The following ZNF282 variants were observed in gnomAD, a reference collection of about 807,000 sequenced individuals.
The protein encoded by ZNF282 is HTLV-I U5 repressive element-binding protein 1.
In ZNF282, 30 loss-of-function variants were observed where a neutral mutation model predicts 61.9. That is an observed-to-expected ratio of 0.48 (90% CI 0.36 to 0.66). The LOEUF (loss-of-function observed/expected upper bound fraction) is 0.66. Ranked by LOEUF, ZNF282 falls within the 30% of genes least tolerant of loss-of-function variation. The pLI, the probability that ZNF282 is intolerant of heterozygous loss-of-function variation, is 0.00. For missense variants in ZNF282, 788 were observed against 941.4 expected (o/e 0.84, Z 2.13); for synonymous variants, 396 against 405.0 (o/e 0.98, Z 0.27).
chr7:149,212,113 G>T (rs1796093055), intron 5 of ZNF282, among the ~76,000 whole-genome samples: 2 of 152,168 alleles, frequency 1.3e-5, no homozygotes. Context: ...AGTTCCTGCA[G>T]CACAGAAAGG....
Position 149,198,381 on chromosome 7 carries a change from C to A in ZNF282, c.214C>A (p.Pro72Thr). ...CCGGCGGCCAATGCCTTTTCAGTTC[C>A]CACCCTTTCCAGATAGGGCACCTGT... ...DARRPMPFQF[P>T]PFPDRAPVFP... Residue 72 changes from proline (P) to threonine (T), a missense_variant, in exon 2 of 8, where the codon CCA (proline) becomes ACA (threonine). Physicochemically the swap from Pro to Thr is conservative, Grantham distance 38 (BLOSUM62 -1). Transcript: ENST00000610704. The surrounding 1 kb of genome is among the most constrained non-coding windows in gnomAD (Gnocchi z 4.3). 6.2e-7 allele frequency: 1 copy of A among 1,614,058 alleles called. No homozygotes were observed. Among genetic ancestry groups the A allele is most frequent in the Non-Finnish European group, 8.5e-7 (1 of 1,179,958 alleles).
Position 149,223,946 on chromosome 7 carries a change from C to A in ZNF282, c.1315C>A (p.Pro439Thr). The A allele has an allele frequency of 7.6e-7, 1 of 1,311,248 alleles. No homozygotes were observed. Among genetic ancestry groups the A allele is most frequent in the Non-Finnish European group, 9.7e-7 (1 of 1,033,078 alleles). 81.2% of individuals were successfully genotyped at this position (1,311,248 alleles called of 1,614,324 possible). The stretch of plus-strand genomic sequence containing the variant: ...GCCCCCCATCGCGGTGGCCGAGAAC[C>A]CGGGCGGCCCCCCGAGCCGAGGGCT... ...SLPPIAVAEN[P>T]GGPPSRGLLD... The change falls in exon 8 of 8, where the codon CCG becomes ACG. Residue 439 changes from proline (P) to threonine (T), a missense_variant. Pro to Thr is a conservative substitution (Grantham distance 38). Coordinates refer to ENST00000610704, the MANE Select transcript of ZNF282 (RefSeq NM_003575.4).
rs1796341654 is a variant in ZNF282 at position 149,224,855 on chromosome 7, G to C, written c.*208G>C. 16 of 965,364 alleles carry C rather than the reference G, an allele frequency of 1.7e-5. No homozygotes were observed. The South Asian group carries it at 3.0e-4, about 18-fold the overall frequency. 59.8% of individuals were successfully genotyped at this position (965,364 alleles called of 1,614,324 possible). A position where few individuals can be genotyped will look rare whatever the true frequency, so the allele number is the denominator to read the frequency against. On this transcript the variant is annotated 3_prime_UTR_variant, in exon 8 of 8. Coordinates refer to ENST00000610704, the MANE Select transcript of ZNF282 (RefSeq NM_003575.4). ...CTCATCTAGGGTGGACCCAGCTGCTGGGGAAGAGCCAGGGGGACCGCGAGG... is the reference window on the plus strand; with the variant it reads ...CTCATCTAGGGTGGACCCAGCTGCTCGGGAAGAGCCAGGGGGACCGCGAGG...
At position 149,224,130 on chromosome 7, in the gene ZNF282, G is replaced by A. The variant is rs1229709857; in HGVS notation, c.1499G>A (p.Cys500Tyr). 6.8e-7 allele frequency: 1 copy of A among 1,475,050 alleles called. No homozygotes were observed. Among genetic ancestry groups the A allele is most frequent in the Non-Finnish European group, 9.0e-7 (1 of 1,117,264 alleles). 91.4% of individuals were successfully genotyped at this position (1,475,050 alleles called of 1,614,324 possible). ...TGAGGGCGSC[C>Y]PGGLRRSLLL... ...GCAGGCGGCGGCTGTGGCAGCTGCTGCCCTGGCGGGCTGCGGCGGAGCCTC... is the reference window on the plus strand; with the variant it reads ...GCAGGCGGCGGCTGTGGCAGCTGCTACCCTGGCGGGCTGCGGCGGAGCCTC... Residue 500 changes from cysteine to tyrosine, a missense_variant, in exon 8 of 8, where the codon TGC becomes TAC. Physicochemically the swap from Cys to Tyr is radical, Grantham distance 194 (BLOSUM62 -2). Around this residue, in one of 3 missense-constraint regions of ZNF282, gnomAD observed 559 missense variants for 642.0 expected, o/e 0.87. Coordinates refer to ENST00000610704, the MANE Select transcript of ZNF282 (RefSeq NM_003575.4).
chr7:149,205,108 C>T (rs1795972356), intron 2 of ZNF282, among the ~76,000 whole-genome samples: 1 of 150,822 alleles, frequency 6.6e-6, no homozygotes, highest in Non-Finnish European at 1.5e-5. Flanking sequence ...AGCCTGGAGA[C>T]AGAGCGAGAC....
At chr7:149,196,056 G>A (rs989935599) in intron 1 of ZNF282, among the ~76,000 whole-genome samples, 1 of 151,960 alleles carries the variant, frequency 6.6e-6, no homozygotes, top group African/African-American at 2.4e-5. Flanking sequence ...ACCTGGCAGA[G>A]CTCTGACCCT....
intron 4 of ZNF282, among the ~76,000 whole-genome samples, chr7:149,209,124 C>G (rs575361475): frequency 6.6e-6 from 1 of 151,712 alleles, no homozygotes; most frequent in Admixed American, 6.6e-5. Flanking sequence ...CGAGAGCATC[C>G]TGGCTAACAC....
chr7:149,205,629 G>A (rs931711215), intron 2 of ZNF282, among the ~76,000 whole-genome samples: 4 of 152,048 alleles, frequency 2.6e-5, no homozygotes, highest in African/African-American at 9.7e-5. Context: ...TCGCACCTGC[G>A]CATGGCATTC....
At chr7:149,196,591 G>A (rs1157533956) in intron 1 of ZNF282, among the ~76,000 whole-genome samples, 1 of 152,134 alleles carries the variant, frequency 6.6e-6, no homozygotes. Flanking sequence ...TGCTCACCAC[G>A]CGGCTCTCAG....
chr7:149,211,063 T>C (rs544980214), intron 5 of ZNF282, among the ~76,000 whole-genome samples: 2 of 152,352 alleles, frequency 1.3e-5, no homozygotes, highest in Non-Finnish European at 2.9e-5. Context: ...AGACCTGTTG[T>C]GCCCTGACCA....
intron 4 of ZNF282, among the ~76,000 whole-genome samples, chr7:149,207,820 C>T (rs112786656): frequency 0.033 from 5,047 of 152,310 alleles, 120 homozygotes; most frequent in Non-Finnish European, 0.052. Context: ...GAGTCTGCGG[C>T]GCATGTGGGG....
rs1408338248 is a variant in ZNF282, at chr7:149,213,757, T to C, written c.1123T>C (p.Tyr375His). ...LSWIKQEEQPYPWGPRDSMDG... is the reference protein window; with the variant it reads ...LSWIKQEEQPHPWGPRDSMDG... ...ATGGATCAAGCAGGAGGAGCAGCCA[T>C]ACCCATGGGGACCACGCGACTCAAT... is the stretch of plus-strand genomic sequence containing the variant. The change falls in exon 7 of 8, where the codon TAC (tyrosine) becomes CAC (histidine). Residue 375 changes from tyrosine to histidine, a missense_variant. Physicochemically the swap from Tyr to His is moderately conservative, Grantham distance 83. Coordinates refer to ENST00000610704, the MANE Select transcript of ZNF282 (RefSeq NM_003575.4). 1.9e-6 allele frequency: 3 copies of C among 1,613,774 alleles called. No individual in the cohort carries two copies. Among genetic ancestry groups the C allele is most frequent in the East Asian group, 4.5e-5 (2 of 44,866 alleles).
Position 149,210,672 on chromosome 7 carries a change from A to T in ZNF282, c.920A>T (p.Glu307Val). ...TGTGTCCGGGGTCAGCGGGGCCTGG[A>T]GGAAAGAGCCATCCCTACGGAATCC... Reference protein sequence around the residue: ...TLCVRGQRGLEERAIPTESIT... With the variant: ...TLCVRGQRGLVERAIPTESIT... Residue 307 changes from glutamate (E) to valine (V), a missense_variant, in exon 5 of 8, where the codon GAG becomes GTG. Glu to Val is a moderately radical substitution (Grantham distance 121). Coordinates refer to ENST00000610704, the MANE Select transcript of ZNF282 (RefSeq NM_003575.4). 1 of 1,608,816 alleles carries T rather than the reference A, an allele frequency of 6.2e-7. No homozygotes were observed. The highest frequency in any genetic ancestry group is 8.5e-7 in the Non-Finnish European group (1 of 1,178,296).
Position 149,224,922 on chromosome 7 carries a change from G to A in ZNF282, c.*275G>A. ...GCACCGCCCTCACACCTCCTCGAGT[G>A]CCCTGGGACCACTGGGCCACAGATG... On this transcript the variant is annotated 3_prime_UTR_variant, in exon 8 of 8. Transcript: ENST00000610704. 2.1e-6 allele frequency: 1 copy of A among 478,138 alleles called. No homozygotes were observed. The highest frequency in any genetic ancestry group is 3.2e-5 in the South Asian group (1 of 31,296). The allele number at this position is 478,138 out of a possible 1,614,324, so 29.6% of individuals were successfully genotyped here. A position where few individuals can be genotyped will look rare whatever the true frequency, so the allele number is the denominator to read the frequency against.
intron 2 of ZNF282, among the ~76,000 whole-genome samples, chr7:149,204,376 A>G (rs1421791565): frequency 2.0e-5 from 3 of 152,158 alleles, no homozygotes; most frequent in African/African-American, 7.2e-5. Context: ...TAGATGGTGA[A>G]GAGGAAAAAA....
chr7:149,198,787 AG>A lies in ZNF282; in HGVS notation c.585+37del. The A allele has an allele frequency of 6.3e-7, 1 of 1,586,848 alleles. No individual in the cohort carries two copies. The highest frequency in any genetic ancestry group is 2.2e-5 in the East Asian group (1 of 44,632). On this transcript the variant is annotated intron_variant, in intron 2 of 7. Coordinates refer to ENST00000610704, the MANE Select transcript of ZNF282 (RefSeq NM_003575.4). The surrounding 1 kb of genome is among the most constrained non-coding windows in gnomAD (Gnocchi z 4.3). ...GGTCCCTGGGGCAGGGATAGAGGTGAGGAACAGCACAGGTGCATAAAATTCT... is the reference window on the plus strand; with the variant it reads ...GGTCCCTGGGGCAGGGATAGAGGTGAGAACAGCACAGGTGCATAAAATTCT...
intron 2 of ZNF282, among the ~76,000 whole-genome samples, chr7:149,202,974 A>T (rs1795937624): frequency 6.6e-6 from 1 of 152,028 alleles, no homozygotes; most frequent in African/African-American, 2.4e-5. Flanking sequence ...GTGTCTGCTG[A>T]GGCAACCACC....
At chr7:149,221,809 A>G (rs1382255273) in intron 7 of ZNF282, among the ~76,000 whole-genome samples, 1 of 152,166 alleles carries the variant, frequency 6.6e-6, no homozygotes, top group Non-Finnish European at 1.5e-5. Context: ...ACCTCAGTCA[A>G]ACACCAACGA....
chr7:149,222,850 G>A (rs1796277485), intron 7 of ZNF282, among the ~76,000 whole-genome samples: 1 of 152,066 alleles, frequency 6.6e-6, no homozygotes, highest in Non-Finnish European at 1.5e-5. Context: ...GTTTCACTAT[G>A]TTGGGCAGGA....
Sources: gnomAD v4.1 joint callset for allele counts (sites outside exome capture counted in the v4.1 genomes callset) on GRCh38, gnomAD v4.1.1 for gene constraint, gnomAD v4.1.1 regional missense constraint, Gnocchi (gnomAD v3.1) non-coding constraint, MANE v1.5 for transcripts, NCBI Gene and HGNC (gene_info 2026-07-23, HGNC 2026-07-21) for gene names.